POU2F2: variants seen among roughly 807,000 people sequenced by gnomAD.
The protein encoded by POU2F2 is POU domain, class 2, transcription factor 2.
Under a neutral mutation model 63.5 loss-of-function variants are expected in POU2F2, and 14 were observed. The ratio of observed to expected loss-of-function variants is 0.22; its 90% CI spans 0.15 to 0.34. The LOEUF is 0.34. POU2F2 is among the 10% of genes least tolerant of loss of function. The probability of loss-of-function intolerance (pLI) is 1.00; values close to 1 mark genes in which losing one functional copy is unlikely to be tolerated. For missense variants in POU2F2, 607 were observed against 815.2 expected, an observed-to-expected ratio of 0.74 and a Z score of 3.11; for synonymous variants, 306 against 348.6, an observed-to-expected ratio of 0.88 and a Z score of 1.36.
At chr19:42,093,106 A>G (rs2076793934) in intron 12 of POU2F2, among the ~76,000 whole-genome samples, 1 of 142,268 alleles carries the variant, frequency 7.0e-6, no homozygotes, top group African/African-American at 2.6e-5. Flanking sequence ...CTCCTCCCGG[A>G]TTCAAGTGAT....
At chr19:42,116,287 G>C (rs557955799) in intron 5 of POU2F2, among the ~76,000 whole-genome samples, 8 of 152,278 alleles carry the variant, frequency 5.3e-5, no homozygotes, top group African/African-American at 1.9e-4. Context: ...CATCTTGTTG[G>C]ATAAGCCAGG....
At chr19:42,158,502 C>A (rs1274111094) in intron 2 of POU2F2, among the ~76,000 whole-genome samples, 4 of 152,244 alleles carry the variant, frequency 2.6e-5, no homozygotes, top group African/African-American at 9.6e-5. Flanking sequence ...TGCCTTCACG[C>A]TCTGTGCCTC....
At chr19:42,125,288 G>A (rs1462891738) in intron 1 of POU2F2, among the ~76,000 whole-genome samples, 1 of 151,342 alleles carries the variant, frequency 6.6e-6, no homozygotes, top group Non-Finnish European at 1.5e-5. Flanking sequence ...CTCGAGCCCA[G>A]GAGATTGAGG....
intron 1 of POU2F2, among the ~76,000 whole-genome samples, chr19:42,161,869 T>C (rs1650498): frequency 2.8e-4 from 42 of 152,288 alleles, no homozygotes; most frequent in African/African-American, 1.0e-3. Flanking sequence ...TCAGCGGCTG[T>C]CATCTCCACA....
In POU2F2 at chr19:42,095,944, C is replaced by T. The variant is rs761760002; in HGVS notation, c.730-15G>A. The stretch of plus-strand genomic sequence containing the variant: ...CCCACATCACCCTGGGCCAGTGGGG[C>T]GGGGAAGGGCCCGAAGTCAGGGTGG... On this transcript the variant is annotated splice_polypyrimidine_tract_variant and intron_variant, in intron 8 of 14. Coordinates refer to ENST00000692977, the MANE Select transcript of POU2F2 (RefSeq NM_001394376.1). The surrounding 1 kb of genome is among the most constrained non-coding windows in gnomAD (Gnocchi z 7.1). 3 of 1,584,034 alleles carry T rather than the reference C, an allele frequency of 1.9e-6. No individual in the cohort carries two copies. The highest frequency in any genetic ancestry group is 3.4e-5 in the Admixed American group (2 of 58,816).
intron 11 of POU2F2, among the ~76,000 whole-genome samples, chr19:42,094,492 C>T (rs948777581): frequency 9.2e-5 from 14 of 152,306 alleles, no homozygotes; most frequent in African/African-American, 3.4e-4. Flanking sequence ...TGACTCTCTC[C>T]TTCCCCAGCT....
chr19:42,091,330 G>A lies in POU2F2; in HGVS notation c.1802C>T (p.Ser601Phe). Residue 601 changes from serine to phenylalanine, a missense_variant, in exon 15 of 15, where the codon TCC (serine) becomes TTC (phenylalanine). Coordinates refer to ENST00000692977, the MANE Select transcript of POU2F2 (RefSeq NM_001394376.1). ...CTGTGCTGCCGTCTCGCTGCAAGTGGAGGAGGAGGAGGATGAGGATGAAGA... is the reference window on the plus strand; with the variant it reads ...CTGTGCTGCCGTCTCGCTGCAAGTGAAGGAGGAGGAGGATGAGGATGAAGA... ...SSSSSSSSSSSTCSETAAQTP... is the reference protein window; with the variant it reads ...SSSSSSSSSSFTCSETAAQTP... 6.6e-7 allele frequency: 1 copy of A among 1,526,612 alleles called. No homozygotes were observed. Among genetic ancestry groups the A allele is most frequent in the South Asian group, 1.2e-5 (1 of 83,610 alleles). 94.6% of individuals were successfully genotyped at this position (1,526,612 alleles called of 1,614,324 possible). A position where few individuals can be genotyped will look rare whatever the true frequency, so the allele number is the denominator to read the frequency against.
intron 12 of POU2F2, 82 bp downstream of exon 12, chr19:42,093,747 C>T: frequency 6.9e-7 from 1 of 1,445,652 alleles, no homozygotes; most frequent in Non-Finnish European, 9.5e-7. Flanking sequence ...CCCATGGACA[C>T]CCAGAGCCAC....
chr19:42,164,519 C>T (rs1180210213), intron 1 of POU2F2, among the ~76,000 whole-genome samples: 5 of 150,294 alleles, frequency 3.3e-5, no homozygotes, highest in East Asian at 2.0e-4. Flanking sequence ...TGCAGTAAGC[C>T]GAGATCATGC....
upstream of POU2F2, among the ~76,000 whole-genome samples, chr19:42,178,717 AAC>A (rs986927184): frequency 2.4e-4 from 37 of 152,232 alleles, no homozygotes; most frequent in African/African-American, 7.7e-4. Context: ...TGTAGACAGA[AAC>A]ACAGAGAAAT....
At chr19:42,166,072 G>A (rs2034643602) in intron 1 of POU2F2, among the ~76,000 whole-genome samples, 3 of 152,312 alleles carry the variant, frequency 2.0e-5, no homozygotes, top group Admixed American at 2.0e-4. Context: ...ATTAAGGATG[G>A]CTGGGGATGG....
At chr19:42,091,684 C>A (rs1428040149) in intron 14 of POU2F2, 93 bp from the exon 15 acceptor site, 6 of 1,551,206 alleles carry the variant, frequency 3.9e-6, no homozygotes, top group Non-Finnish European at 5.2e-6. Flanking sequence ...CCCCCATCTC[C>A]CCATCGGTCC....
chr19:42,148,327 T>A (rs965921185), intron 2 of POU2F2, among the ~76,000 whole-genome samples: 1 of 152,144 alleles, frequency 6.6e-6, no homozygotes, highest in Non-Finnish European at 1.5e-5. Context: ...TGCCAAAAAA[T>A]TCATAACTAG....
At chr19:42,093,780 T>G in intron 12 of POU2F2, 49 bp downstream of exon 12, 1 of 1,562,174 alleles carries the variant, frequency 6.4e-7, no homozygotes. Flanking sequence ...GGCTCCAGCC[T>G]GTGCCACATC....
Position 42,155,884 on chromosome 19 carries a change from A to C in POU2F2, c.-9+4448T>G, listed in dbSNP as rs2034447948. 1 of 152,474 alleles carries C rather than the reference A, an allele frequency of 6.6e-6. No individual in the cohort carries two copies. Among genetic ancestry groups the C allele is most frequent in the South Asian group, 2.1e-4 (1 of 4,836 alleles). The allele number at this position is 152,474 out of a possible 1,614,324, so 9.4% of individuals were successfully genotyped here. Reference sequence around the variant, plus strand: ...TAATGAAGACTAAGAAAAGGAAGAAAGATGATGCTGGGGCTGGAGCCAAAG... The same window carrying C: ...TAATGAAGACTAAGAAAAGGAAGAACGATGATGCTGGGGCTGGAGCCAAAG... On this transcript the variant is annotated intron_variant, in intron 2 of 6. Transcript: ENST00000524801. The surrounding 1 kb of genome is among the most constrained non-coding windows in gnomAD (Gnocchi z 4.2).
At chr19:42,174,603 C>G (rs2034836710) in intron 1 of POU2F2, among the ~76,000 whole-genome samples, 1 of 151,954 alleles carries the variant, frequency 6.6e-6, no homozygotes, top group Admixed American at 6.6e-5. Flanking sequence ...CGATTCTACA[C>G]CTTTGGCTCC....
At chr19:42,107,734 T>C (rs1462351879) in intron 5 of POU2F2, among the ~76,000 whole-genome samples, 2 of 152,230 alleles carry the variant, frequency 1.3e-5, no homozygotes, top group Non-Finnish European at 2.9e-5. Flanking sequence ...CAGACTCTTC[T>C]AGGGGTGGTC....
Position 42,095,204 on chromosome 19 carries a change from T to A in POU2F2, c.1197+82A>T. ...CTTCTTGTCTCTGTTCTAGGCTCTG[T>A]GGACAACCAGGTAGGGTGGGCTTCA... On this transcript the variant is annotated intron_variant, in intron 11 of 14. Coordinates refer to ENST00000692977, the MANE Select transcript of POU2F2 (RefSeq NM_001394376.1). This position sits in a 1 kb window ranked among gnomAD's most constrained non-coding sequence, Gnocchi z 7.1. 6.8e-7 allele frequency: 1 copy of A among 1,469,372 alleles called. No individual in the cohort carries two copies. The highest frequency in any genetic ancestry group is 2.2e-5 in the Admixed American group (1 of 45,222). 91.0% of individuals were successfully genotyped at this position (1,469,372 alleles called of 1,614,324 possible). A position where few individuals can be genotyped will look rare whatever the true frequency, so the allele number is the denominator to read the frequency against.
upstream of POU2F2, among the ~76,000 whole-genome samples, chr19:42,136,177 T>C (rs2034007477): frequency 6.6e-6 from 1 of 150,684 alleles, no homozygotes. Context: ...CATTGTGGTC[T>C]ATGCTTTCCT....
Sources: allele counts gnomAD v4.1 joint callset (sites outside exome capture counted in the v4.1 genomes callset), GRCh38; gene constraint gnomAD v4.1.1; non-coding constraint Gnocchi (gnomAD v3.1); transcripts MANE v1.5; gene names NCBI Gene and HGNC (gene_info 2026-07-23, HGNC 2026-07-21).